DENND1A: variants seen among roughly 807,000 people sequenced by gnomAD.
DENND1A encodes DENN domain containing 1A.
DENND1A carries 51 observed loss-of-function variants against 113.7 expected under a neutral mutation model. That is an observed-to-expected ratio of 0.45 (90% CI 0.36 to 0.57). The LOEUF (loss-of-function observed/expected upper bound fraction) is 0.57. Ranked by LOEUF, DENND1A falls within the 20% of genes least tolerant of loss-of-function variation. The pLI is 0.00. For missense variants in DENND1A, 1,258 were observed against 1,395.9 expected, an observed-to-expected ratio of 0.90 and a Z score of 1.57; for synonymous variants, 565 against 570.8, an observed-to-expected ratio of 0.99 and a Z score of 0.14.
At chr9:123,449,921 A>C (rs1020027492) in intron 18 of DENND1A, among the ~76,000 whole-genome samples, 1 of 152,032 alleles carries the variant, frequency 6.6e-6, no homozygotes, top group African/African-American at 2.4e-5. Flanking sequence ...GGTGCACCAA[A>C]ATCTCACAAA....
At chr9:123,825,545 T>C (rs199534867) in intron 2 of DENND1A, among the ~76,000 whole-genome samples, 134 of 152,310 alleles carry the variant, frequency 8.8e-4, no homozygotes, top group African/African-American at 3.0e-3. Flanking sequence ...GCAGCCAAGT[T>C]CTCTCATGCC....
intron 1 of DENND1A, among the ~76,000 whole-genome samples, chr9:123,909,186 T>TG (rs1853471423): frequency 6.7e-6 from 1 of 148,600 alleles, no homozygotes; most frequent in Non-Finnish European, 1.5e-5. Flanking sequence ...TATCACACTA[T>TG]GGGGCCTGTG....
At chr9:123,760,746 AAG>A (rs2070968047) in intron 4 of DENND1A, among the ~76,000 whole-genome samples, 1 of 152,198 alleles carries the variant, frequency 6.6e-6, no homozygotes, top group Non-Finnish European at 1.5e-5. Context: ...TTGAGAACTG[AAG>A]ATGTGTGAGA....
intron 2 of DENND1A, among the ~76,000 whole-genome samples, chr9:123,847,464 G>A (rs1842779233): frequency 6.6e-6 from 1 of 152,116 alleles, no homozygotes; most frequent in South Asian, 2.1e-4. Flanking sequence ...AATGGAAAGG[G>A]ACTTCAACAG....
rs1589734810 is a variant in DENND1A at position 123,704,025 on chromosome 9, T to C, written c.303-27236A>G. Among the ~76,000 whole-genome samples, 7 of 152,130 alleles carry C rather than the reference T, an allele frequency of 4.6e-5. No individual in the cohort carries two copies. The South Asian group carries it at 8.3e-4, about 18-fold the overall frequency. ...TTCATCCATTTTGGCCTATGGAAGA[T>C]TAGATATTTTTAAAACCCTCCCAAC... On this transcript the variant is annotated intron_variant, in intron 5 of 23. Coordinates refer to ENST00000394215, the MANE Select transcript of DENND1A (RefSeq NM_001352964.2).
intron 19 of DENND1A, among the ~76,000 whole-genome samples, chr9:123,418,163 C>T (rs578071046): frequency 2.0e-5 from 3 of 152,312 alleles, no homozygotes; most frequent in Admixed American, 6.5e-5. Context: ...TAGGAACAGA[C>T]ACTCCCCTCC....
chr9:123,648,945 C>G (rs906799200), intron 9 of DENND1A, among the ~76,000 whole-genome samples: 3 of 152,172 alleles, frequency 2.0e-5, no homozygotes, highest in African/African-American at 7.2e-5. Context: ...GCTCTCTATT[C>G]TGTTCCATCA....
intron 13 of DENND1A, among the ~76,000 whole-genome samples, chr9:123,477,204 G>A (rs531924563): frequency 2.2e-4 from 34 of 152,278 alleles, no homozygotes; most frequent in Non-Finnish European, 4.0e-4. Flanking sequence ...CTAATGGGAC[G>A]TGAGAGCAAA....
chr9:123,537,545 TA>T (rs1014481221), intron 13 of DENND1A, among the ~76,000 whole-genome samples: 2 of 148,558 alleles, frequency 1.3e-5, no homozygotes. Flanking sequence ...TTCCTGAAAT[TA>T]AAAAAAAAGG....
chr9:123,740,579 CAT>C (rs151236218), intron 5 of DENND1A, among the ~76,000 whole-genome samples: 1,587 of 152,106 alleles, frequency 0.01, 11 homozygotes, highest in Non-Finnish European at 0.016. Context: ...TGTGGAAAAA[CAT>C]ATGAAATTCC....
intron 13 of DENND1A, among the ~76,000 whole-genome samples, chr9:123,540,915 T>C (rs911182427): frequency 6.6e-6 from 1 of 152,102 alleles, no homozygotes; most frequent in Non-Finnish European, 1.5e-5. Context: ...AAACCGTGAG[T>C]TCTAGAGGCA....
At chr9:123,420,221 C>T (rs1366429185) in intron 19 of DENND1A, among the ~76,000 whole-genome samples, 1 of 152,164 alleles carries the variant, frequency 6.6e-6, no homozygotes, top group East Asian at 1.9e-4. Flanking sequence ...TCAGGATATC[C>T]CAGTGGTCCT....
intron 20 of DENND1A, among the ~76,000 whole-genome samples, chr9:123,406,443 G>T (rs896028945): frequency 6.6e-6 from 1 of 152,220 alleles, no homozygotes; most frequent in South Asian, 2.1e-4. Context: ...AAAGGAAGAC[G>T]ATGAGTGGGT....
At chr9:123,671,797 C>T (rs947440347) in intron 6 of DENND1A, among the ~76,000 whole-genome samples, 4 of 152,110 alleles carry the variant, frequency 2.6e-5, no homozygotes, top group Non-Finnish European at 4.4e-5. Context: ...GAGTGTTCAC[C>T]GGATACACAT....
intron 12 of DENND1A, among the ~76,000 whole-genome samples, chr9:123,559,568 GA>G (rs962590668): frequency 2.6e-5 from 4 of 150,950 alleles, no homozygotes; most frequent in Admixed American, 1.3e-4. Context: ...GAAGTCTGGG[GA>G]AAAAAAAATC....
chr9:123,714,238 T>C (rs2066823055), intron 5 of DENND1A, among the ~76,000 whole-genome samples: 1 of 152,130 alleles, frequency 6.6e-6, no homozygotes, highest in Admixed American at 6.6e-5. Flanking sequence ...GCCCCAGCAG[T>C]GGGGAATGCT....
At chr9:123,607,495 A>G (rs1428181993) in intron 11 of DENND1A, among the ~76,000 whole-genome samples, 11 of 53,084 alleles carry the variant, frequency 2.1e-4, no homozygotes, top group African/African-American at 7.1e-4. Context: ...AGAGACACAC[A>G]CACACACACA....
intron 12 of DENND1A, among the ~76,000 whole-genome samples, chr9:123,575,228 T>G (rs868118297): frequency 5.9e-5 from 9 of 152,166 alleles, no homozygotes; most frequent in African/African-American, 2.2e-4. Context: ...TAGATTCTCA[T>G]AAGGAGCACA....
chr9:123,652,559 G>A (rs964677203), intron 8 of DENND1A, among the ~76,000 whole-genome samples: 1 of 152,146 alleles, frequency 6.6e-6, no homozygotes, highest in Non-Finnish European at 1.5e-5. Context: ...TGTGCCATAC[G>A]CCTAAGCAAA....
Sources: allele counts gnomAD v4.1 joint callset (sites outside exome capture counted in the v4.1 genomes callset), GRCh38; gene constraint gnomAD v4.1.1; transcripts MANE v1.5; gene names NCBI Gene and HGNC (gene_info 2026-07-23, HGNC 2026-07-21).